LMNB2: variants seen among roughly 807,000 people sequenced by gnomAD.
LMNB2 encodes the protein lamin B2, also known as lamin-B2.
In LMNB2, 17 loss-of-function variants were observed where a neutral mutation model predicts 69.3. The ratio of observed to expected loss-of-function variants is 0.25; its 90% CI spans 0.17 to 0.37. LMNB2 has a LOEUF of 0.37. Among genes scored for constraint, LMNB2 ranks in the 10% least tolerant of loss-of-function variants. The pLI is 1.00. For missense variants in LMNB2, 789 were observed against 883.6 expected, an observed-to-expected ratio of 0.89 and a Z score of 1.36; for synonymous variants, 397 against 389.3, an observed-to-expected ratio of 1.02 and a Z score of -0.23.
intron 2 of LMNB2, among the ~76,000 whole-genome samples, chr19:2,441,682 C>T (rs750812917): frequency 1.3e-5 from 2 of 152,218 alleles, no homozygotes; most frequent in Admixed American, 1.3e-4. Flanking sequence ...GACGTCCTTG[C>T]GGAGGGAGGC....
rs547274249 is a variant in LMNB2 at position 2,453,205 on chromosome 19, A to G, written c.264+3465T>C. 1.3e-4 allele frequency among the ~76,000 whole-genome samples: 20 copies of G among 152,200 alleles called. No homozygotes were observed. The East Asian group carries it at 3.9e-3, about 29-fold the overall frequency. Reference sequence around the variant, plus strand: ...CCCTCCCAATGTGACAACCAAGGGCATGCCCAGCCTTGGCCAAGAGTCCCC... The same window carrying G: ...CCCTCCCAATGTGACAACCAAGGGCGTGCCCAGCCTTGGCCAAGAGTCCCC... On this transcript the variant is annotated intron_variant, in intron 1 of 11. Transcript: ENST00000325327. The surrounding 1 kb of genome is among the most constrained non-coding windows in gnomAD (Gnocchi z 4.4).
At position 2,447,106 on chromosome 19, in the gene LMNB2, TG is replaced by T; in HGVS notation, c.265-2567del. 6.6e-6 allele frequency among the ~76,000 whole-genome samples: 1 copy of T among 151,930 alleles called. No individual in the cohort carries two copies. Among genetic ancestry groups the T allele is most frequent in the East Asian group, 1.9e-4 (1 of 5,186 alleles). On this transcript the variant is annotated intron_variant, in intron 1 of 11. Transcript: ENST00000325327. This position sits in a 1 kb window ranked among gnomAD's most constrained non-coding sequence, Gnocchi z 4.4. ...TTGCAGTGAGCCGAGATCGCACCAC[TG>T]CCCTCCAGCCTGGGAGACAGAGCGA...
intron 2 of LMNB2, among the ~76,000 whole-genome samples, chr19:2,444,110 A>C (rs1487076639): frequency 1.3e-5 from 2 of 152,172 alleles, no homozygotes; most frequent in Admixed American, 6.5e-5. Context: ...TGTGCACACT[A>C]AGGAGACAGG....
chr19:2,453,929 C>T lies in LMNB2; in HGVS notation c.264+2741G>A, dbSNP rs926544463. Among the ~76,000 whole-genome samples, 13 of 152,304 alleles carry T rather than the reference C, an allele frequency of 8.5e-5. No homozygotes were observed. Among genetic ancestry groups the T allele is most frequent in the Admixed American group, 4.6e-4 (7 of 15,300 alleles). On this transcript the variant is annotated intron_variant, in intron 1 of 11. Coordinates refer to ENST00000325327, the MANE Select transcript of LMNB2 (RefSeq NM_032737.4). This position sits in a 1 kb window ranked among gnomAD's most constrained non-coding sequence, Gnocchi z 4.4. Reference sequence around the variant, plus strand: ...GGCGGCCTCTAAGTTGGGACAACTCCGCACTGGACAGATGGCAAGATGGAG... The same window carrying T: ...GGCGGCCTCTAAGTTGGGACAACTCTGCACTGGACAGATGGCAAGATGGAG...
chr19:2,449,760 C>G (rs1317748889), intron 1 of LMNB2, among the ~76,000 whole-genome samples: 1 of 148,650 alleles, frequency 6.7e-6, no homozygotes, highest in East Asian at 2.0e-4. Flanking sequence ...CTGGGTGGTA[C>G]AGAGAGACCC....
Position 2,444,491 on chromosome 19 carries a change from C to T in LMNB2, c.314G>A (p.Arg105Lys). The T allele has an allele frequency of 6.2e-7, 1 of 1,613,334 alleles. No individual in the cohort carries two copies. The highest frequency in any genetic ancestry group is 2.2e-5 in the East Asian group (1 of 44,876). Residue 105 changes from arginine (R) to lysine (K), a missense_variant, in exon 2 of 12, where the codon AGA (arginine) becomes AAA (lysine). Physicochemically the swap from Arg to Lys is conservative, Grantham distance 26 (BLOSUM62 2). Around this residue, in one of 3 missense-constraint regions of LMNB2, gnomAD observed 145 missense variants for 228.9 expected, o/e 0.63. Coordinates refer to ENST00000325327, the MANE Select transcript of LMNB2 (RefSeq NM_032737.4). The stretch of plus-strand genomic sequence containing the variant: ...CTCTCGAGCCGTCTCATCCAGGACT[C>T]TCCGGGCATCGGCCAGCTCCGACTC... ...LYESELADAR[R>K]VLDETARERA...
At position 2,430,965 on chromosome 19, in the gene LMNB2, AG is replaced by A; in HGVS notation, c.1822-14del. On this transcript the variant is annotated splice_polypyrimidine_tract_variant and intron_variant, in intron 11 of 11. Coordinates refer to ENST00000325327, the MANE Select transcript of LMNB2 (RefSeq NM_032737.4). Reference sequence around the variant, plus strand: ...TCCTCGGGTCCCCCTGCAGGAAGGAAGGAAGGAAGGTCGGCCATGATCAGGG... The same window carrying A: ...TCCTCGGGTCCCCCTGCAGGAAGGAAGAAGGAAGGTCGGCCATGATCAGGG... 1 of 1,606,400 alleles carries A rather than the reference AG, an allele frequency of 6.2e-7. No individual in the cohort carries two copies. The highest frequency in any genetic ancestry group is 8.5e-7 in the Non-Finnish European group (1 of 1,173,654).
At position 2,456,769 on chromosome 19, in the gene LMNB2, G is replaced by A. The variant is rs747944202; in HGVS notation, c.165C>T (p.Asp55=). The change falls in exon 1 of 12, where the codon GAC becomes GAT. Residue 55 remains aspartate, a synonymous_variant. Transcript: ENST00000325327. ...QEKEELRELN[D]RLAHYIDRVR... ...CGCGGTCGATGTAGTGCGCCAGGCG[G>A]TCGTTGAGCTCGCGCAGCTCCTCCT... is the stretch of plus-strand genomic sequence containing the variant. The A allele has an allele frequency of 6.5e-7, 1 of 1,547,484 alleles. No individual in the cohort carries two copies. The highest frequency in any genetic ancestry group is 8.7e-7 in the Non-Finnish European group (1 of 1,146,670).
chr19:2,442,888 T>C (rs1971914111), intron 2 of LMNB2, among the ~76,000 whole-genome samples: 1 of 152,220 alleles, frequency 6.6e-6, no homozygotes, highest in Non-Finnish European at 1.5e-5. Flanking sequence ...TCACATCCTG[T>C]ACATTTCAAC....
intron 2 of LMNB2, among the ~76,000 whole-genome samples, chr19:2,439,108 T>C (rs914633813): frequency 7.5e-6 from 1 of 132,826 alleles, no homozygotes; most frequent in African/African-American, 2.7e-5. Context: ...GGTCTCGAAC[T>C]CCTGGGCTCA....
At chr19:2,440,628 T>A (rs1020360842) in intron 2 of LMNB2, among the ~76,000 whole-genome samples, 2 of 141,202 alleles carry the variant, frequency 1.4e-5, no homozygotes, top group Non-Finnish European at 3.3e-5. Flanking sequence ...CATCCATCCA[T>A]CCATCTACTC....
At chr19:2,434,653 A>G (rs1303625515) in intron 6 of LMNB2, 135 bp downstream of exon 6, 5 of 1,494,350 alleles carry the variant, frequency 3.3e-6, no homozygotes, top group Non-Finnish European at 4.5e-6. Flanking sequence ...ACGGGAGGGG[A>G]GGGAAGGGGC....
chr19:2,432,053 A>C (rs1460597144), intron 9 of LMNB2, 151 bp from the exon 10 acceptor site: 1 of 1,046,526 alleles, frequency 9.6e-7, no homozygotes, highest in Non-Finnish European at 1.4e-6. Flanking sequence ...GATGGTCCCC[A>C]GGATACACAA....
intron 11 of LMNB2, among the ~76,000 whole-genome samples, 161 bp downstream of exon 11, chr19:2,431,387 C>T (rs921267352): frequency 6.6e-6 from 1 of 152,196 alleles, no homozygotes; most frequent in African/African-American, 2.4e-5. Flanking sequence ...GAACAGGTCT[C>T]TGCCGTGCTG....
chr19:2,455,122 G>A (rs557013354), intron 1 of LMNB2, among the ~76,000 whole-genome samples: 5 of 151,914 alleles, frequency 3.3e-5, no homozygotes, highest in Admixed American at 2.0e-4. Context: ...CCTCTCCCTC[G>A]GCCCCCTACC....
Position 2,433,941 on chromosome 19 carries a change from G to A in LMNB2, c.1367C>T (p.Thr456Met), listed in dbSNP as rs143008010. The change falls in exon 8 of 12, where the codon ACG becomes ATG. Residue 456 changes from threonine (T) to methionine (M), a missense_variant. By Grantham distance (81) the Thr-to-Met change is moderately conservative. Around this residue, in one of 3 missense-constraint regions of LMNB2, gnomAD observed 609 missense variants for 630.9 expected, o/e 0.97. Coordinates refer to ENST00000325327, the MANE Select transcript of LMNB2 (RefSeq NM_032737.4). ...CAGGTGGAAGCCACCGCTGCCACCC[G>A]TGCCCGTGCCCAGGACGCTTGGGCC... ...GSGPSVLGTG[T>M]GGSGGFHLAQ... 6.9e-5 allele frequency: 112 copies of A among 1,612,004 alleles called. No homozygotes were observed. The highest frequency in any genetic ancestry group is 1.2e-4 in the South Asian group (11 of 91,060).
In LMNB2 at chr19:2,431,529, G is replaced by A; in HGVS notation, c.1821+19C>T. ...CCCAGAGGCTGCCCCCCAGCCGCAA[G>A]TGGGCACAGGGGTCCTACCTGTTGG... On this transcript the variant is annotated intron_variant, in intron 11 of 11. Transcript: ENST00000325327. 6.2e-7 allele frequency: 1 copy of A among 1,613,990 alleles called. No individual in the cohort carries two copies. Among genetic ancestry groups the A allele is most frequent in the Non-Finnish European group, 8.5e-7 (1 of 1,179,902 alleles).
intron 1 of LMNB2, among the ~76,000 whole-genome samples, chr19:2,451,747 G>A (rs965193534): frequency 6.6e-6 from 1 of 152,150 alleles, no homozygotes; most frequent in Non-Finnish European, 1.5e-5. Context: ...GACACACAGA[G>A]CAGCATAACT....
intron 1 of LMNB2, among the ~76,000 whole-genome samples, chr19:2,450,672 C>CT (rs1037138761): frequency 7.9e-5 from 12 of 151,910 alleles, no homozygotes; most frequent in Admixed American, 3.3e-4. Flanking sequence ...GGGCAAGACT[C>CT]TGTTGCCCAG....
Sources: allele counts gnomAD v4.1 joint callset (sites outside exome capture counted in the v4.1 genomes callset), GRCh38; gene constraint gnomAD v4.1.1; regional missense constraint gnomAD v4.1.1; non-coding constraint Gnocchi (gnomAD v3.1); transcripts MANE v1.5; gene names NCBI Gene and HGNC (gene_info 2026-07-23, HGNC 2026-07-21).